Variants in SCN2A observed in about 807,000 individuals in gnomAD.
SCN2A encodes sodium voltage-gated channel alpha subunit 2.
In SCN2A, 20 loss-of-function variants were observed where a neutral mutation model predicts 188.7. That is an observed-to-expected ratio of 0.11 (90% CI 0.07 to 0.15). The LOEUF (loss-of-function observed/expected upper bound fraction) is 0.15. Ranked by LOEUF, SCN2A falls within the 10% of genes least tolerant of loss-of-function variation. The probability of loss-of-function intolerance (pLI) is 1.00; values close to 1 mark genes in which losing one functional copy is unlikely to be tolerated. For missense variants in SCN2A, 1,278 were observed against 2,445.0 expected (o/e 0.52, Z 10.07); for synonymous variants, 804 against 833.1 (o/e 0.97, Z 0.60).
At position 165,264,160 on chromosome 2, in the gene SCN2A, C is replaced by A. The variant is rs1445178963; in HGVS notation, c.-52+24520C>A. 3.3e-5 allele frequency among the ~76,000 whole-genome samples: 5 copies of A among 152,042 alleles called. No homozygotes were observed. In the East Asian group the frequency reaches 9.6e-4, roughly 29 times the overall value. On this transcript the variant is annotated intron_variant, in intron 1 of 26. Transcript: ENST00000375437. Reference sequence around the variant, plus strand: ...CCTTTCTCTTGTCTGATTCATCTGGCTAAAACTTCCAATACTATGTTGAAT... The same window carrying A: ...CCTTTCTCTTGTCTGATTCATCTGGATAAAACTTCCAATACTATGTTGAAT...
chr2:165,258,062 T>C (rs533193434), intron 1 of SCN2A, among the ~76,000 whole-genome samples: 1 of 152,224 alleles, frequency 6.6e-6, no homozygotes, highest in Non-Finnish European at 1.5e-5. Flanking sequence ...AGATTCTGGA[T>C]AGTAGAACTT....
rs1178289931 is a variant in SCN2A, at chr2:165,265,471, CTATATATATATATATA to C, written c.-52+25861_-52+25876del. ...TAGGTTATGTGTTTACTCTGTTGAT[CTATATATATATATATA>C]TATATATATATATATATATATATAT... On this transcript the variant is annotated intron_variant, in intron 1 of 26. Coordinates refer to ENST00000375437, the MANE Select transcript of SCN2A (RefSeq NM_001040142.2). Among the ~76,000 whole-genome samples the C allele has an allele frequency of 4.5e-3, 131 of 29,028 alleles. 3 individuals are homozygous for C. Among genetic ancestry groups the C allele is most frequent in the East Asian group, 0.029 (38 of 1,320 alleles). The allele number at this position is 29,028 out of a possible 152,430, so 19.0% of individuals were successfully genotyped here. A position where few individuals can be genotyped will look rare whatever the true frequency, so the allele number is the denominator to read the frequency against.
chr2:165,297,193 C>A lies in SCN2A; in HGVS notation c.386+58C>A. 5 of 1,040,100 alleles carry A rather than the reference C, an allele frequency of 4.8e-6. No individual in the cohort carries two copies. The Admixed American group carries it at 7.1e-5, about 15-fold the overall frequency. The allele number at this position is 1,040,100 out of a possible 1,614,324, so 64.4% of individuals were successfully genotyped here. On this transcript the variant is annotated intron_variant, in intron 3 of 26. Coordinates refer to ENST00000375437, the MANE Select transcript of SCN2A (RefSeq NM_001040142.2). The stretch of plus-strand genomic sequence containing the variant: ...TTTCTTCTTTGACCAAGTTATTGAG[C>A]TACACATTTTCCAAAATATCTGTGG...
chr2:165,363,835 G>A (rs1039026636), intron 17 of SCN2A, among the ~76,000 whole-genome samples: 4 of 151,910 alleles, frequency 2.6e-5, no homozygotes, highest in Non-Finnish European at 5.9e-5. Context: ...CTCAAAGCAG[G>A]CAGAAGTATC....
chr2:165,310,216 C>A, intron 6 of SCN2A, 107 bp from the exon 7 acceptor site: 2 of 1,166,854 alleles, frequency 1.7e-6, no homozygotes, highest in Non-Finnish European at 2.6e-6. Context: ...ATATTGTTGG[C>A]ATTCTGCATG....
intron 1 of SCN2A, among the ~76,000 whole-genome samples, chr2:165,255,682 T>C (rs1008526430): frequency 6.6e-6 from 1 of 152,206 alleles, no homozygotes; most frequent in African/African-American, 2.4e-5. Flanking sequence ...CTGAAGTGTA[T>C]CTTAGAGTCA....
chr2:165,345,249 G>C (rs1450387294), intron 16 of SCN2A, among the ~76,000 whole-genome samples: 1 of 152,090 alleles, frequency 6.6e-6, no homozygotes, highest in Non-Finnish European at 1.5e-5. Flanking sequence ...ACCTGAAAAC[G>C]TTTCAGATTT....
At chr2:165,326,603 C>T (rs1398027976) in intron 12 of SCN2A, among the ~76,000 whole-genome samples, 1 of 152,140 alleles carries the variant, frequency 6.6e-6, no homozygotes, top group Non-Finnish European at 1.5e-5. Flanking sequence ...CTGGTCCCTC[C>T]AGCCCAAATC....
chr2:165,352,667 C>T (rs571673473), intron 16 of SCN2A, among the ~76,000 whole-genome samples: 13 of 152,162 alleles, frequency 8.5e-5, no homozygotes, highest in African/African-American at 2.4e-4. Context: ...CGCAGTTAAA[C>T]CACAGTCAAA....
chr2:165,312,191 C>G, intron 8 of SCN2A, 103 bp downstream of exon 8: 1 of 841,024 alleles, frequency 1.2e-6, no homozygotes, highest in Non-Finnish European at 2.0e-6. Flanking sequence ...CACTCAAAAC[C>G]CTCCATAAAT....
intron 1 of SCN2A, among the ~76,000 whole-genome samples, chr2:165,288,615 C>G (rs1695961891): frequency 6.6e-6 from 1 of 151,436 alleles, no homozygotes; most frequent in Admixed American, 6.6e-5. Context: ...TCTGTTTCTA[C>G]TCTACAGCAG....
rs544136707 is a variant in SCN2A at position 165,321,512 on chromosome 2, A to C, written c.1672-1644A>C. Among the ~76,000 whole-genome samples the C allele has an allele frequency of 1.9e-3, 288 of 152,292 alleles. 1 individual carries two copies. Among genetic ancestry groups the C allele is most frequent in the Non-Finnish European group, 3.3e-3 (226 of 68,022 alleles). On this transcript the variant is annotated intron_variant, in intron 11 of 26. Coordinates refer to ENST00000375437, the MANE Select transcript of SCN2A (RefSeq NM_001040142.2). ...ATAAAGACATACCTGAGACTGGGCA[A>C]TTTACCAAAGAAAGACATTTAATTG...
chr2:165,337,007 T>G (rs1699037271), intron 14 of SCN2A, among the ~76,000 whole-genome samples: 1 of 151,926 alleles, frequency 6.6e-6, no homozygotes. Flanking sequence ...AGGAACAAAT[T>G]GTTAGAATAA....
intron 25 of SCN2A, among the ~76,000 whole-genome samples, chr2:165,385,203 G>A (rs955039877): frequency 6.6e-6 from 1 of 152,080 alleles, no homozygotes; most frequent in Admixed American, 6.6e-5. Flanking sequence ...TAGAATCCAG[G>A]CCACTAAAAG....
intron 7 of SCN2A, among the ~76,000 whole-genome samples, chr2:165,311,371 T>C (rs1697418366): frequency 6.6e-6 from 1 of 152,042 alleles, no homozygotes; most frequent in South Asian, 2.1e-4. Flanking sequence ...TGTCATGCCT[T>C]AAAAATAAAA....
chr2:165,275,975 T>C (rs1407910386), intron 1 of SCN2A, among the ~76,000 whole-genome samples: 1 of 152,144 alleles, frequency 6.6e-6, no homozygotes, highest in Non-Finnish European at 1.5e-5. Context: ...CCTCATAATC[T>C]GCCCTCCTCG....
intron 3 of SCN2A, among the ~76,000 whole-genome samples, chr2:165,298,913 G>T (rs1244692598): frequency 6.6e-6 from 1 of 150,804 alleles, no homozygotes; most frequent in Non-Finnish European, 1.5e-5. Context: ...GTAAGTCAGA[G>T]ATTAGAGAAT....
intron 21 of SCN2A, 149 bp from the exon 22 acceptor site, chr2:165,374,536 G>A: frequency 1.3e-6 from 1 of 749,834 alleles, no homozygotes; most frequent in Non-Finnish European, 2.2e-6. Context: ...AAAATTCTTA[G>A]TTGGAGCTAC....
In SCN2A at chr2:165,295,929, A is replaced by C. The variant is rs796053167; in HGVS notation, c.106A>C (p.Arg36=). 6.2e-7 allele frequency: 1 copy of C among 1,614,202 alleles called. No individual in the cohort carries two copies. The highest frequency in any genetic ancestry group is 2.2e-5 in the East Asian group (1 of 44,872). ...ACGCATTGCAGAAGAGAAAGCTAAG[A>C]GACCCAAACAGGAACGCAAGGATGA... ...EQRIAEEKAK[R]PKQERKDEDD... Residue 36 remains arginine, a synonymous_variant, in exon 2 of 27, where the codon AGA becomes CGA. Coordinates refer to ENST00000375437, the MANE Select transcript of SCN2A (RefSeq NM_001040142.2).
Sources: gnomAD v4.1 joint callset for allele counts (sites outside exome capture counted in the v4.1 genomes callset) on GRCh38, gnomAD v4.1.1 for gene constraint, MANE v1.5 for transcripts, NCBI Gene and HGNC (gene_info 2026-07-23, HGNC 2026-07-21) for gene names.